NIBAN2: variants seen among roughly 807,000 people sequenced by gnomAD.
NIBAN2 encodes protein Niban 2.
In NIBAN2, 36 loss-of-function variants were observed where a neutral mutation model predicts 81.8. The ratio of observed to expected loss-of-function variants is 0.44; its 90% CI spans 0.34 to 0.58. The LOEUF is 0.58. Ranked by LOEUF, NIBAN2 falls within the 20% of genes least tolerant of loss-of-function variation. The probability of loss-of-function intolerance (pLI) is 0.02; values close to 1 mark genes in which losing one functional copy is unlikely to be tolerated. For missense variants in NIBAN2, 897 were observed against 1,014.1 expected (o/e 0.88, Z 1.57); for synonymous variants, 445 against 441.6 (o/e 1.01, Z -0.10).
At chr9:127,575,231 T>C (rs1234987105) in intron 1 of NIBAN2, among the ~76,000 whole-genome samples, 2 of 6,652 alleles carry the variant, frequency 3.0e-4, no homozygotes, top group Non-Finnish European at 4.8e-4. Context: ...ATATGGATTC[T>C]TTTTTTTTTT....
intron 1 of NIBAN2, among the ~76,000 whole-genome samples, chr9:127,558,875 G>C (rs527948871): frequency 1.3e-5 from 2 of 152,238 alleles, no homozygotes; most frequent in South Asian, 4.1e-4. Flanking sequence ...TGAGCACCCT[G>C]CACAGGCCAG....
intron 5 of NIBAN2, among the ~76,000 whole-genome samples, chr9:127,523,228 T>A (rs1169922059): frequency 0.01 from 224 of 22,276 alleles, 49 homozygotes; most frequent in African/African-American, 0.035. Flanking sequence ...TATATATATA[T>A]ATATATATAT....
chr9:127,514,423 A>G (rs1425282052), intron 8 of NIBAN2, among the ~76,000 whole-genome samples: 1 of 152,166 alleles, frequency 6.6e-6, no homozygotes, highest in Non-Finnish European at 1.5e-5. Context: ...AAATATGCAC[A>G]CCTACTATGT....
chr9:127,512,766 C>T (rs1836760507), intron 8 of NIBAN2, among the ~76,000 whole-genome samples: 2 of 152,168 alleles, frequency 1.3e-5, no homozygotes, highest in Non-Finnish European at 2.9e-5. Context: ...TTTCAGGGTT[C>T]ACAGTGGGAA....
chr9:127,509,234 GGC>G, intron 9 of NIBAN2, 103 bp from the exon 10 acceptor site: 1 of 1,186,296 alleles, frequency 8.4e-7, no homozygotes, highest in Non-Finnish European at 1.2e-6. Context: ...CCCTGGGGCT[GGC>G]GCCTGCTACC....
At position 127,523,187 on chromosome 9, in the gene NIBAN2, AAAAAAATATATATATATATATATATATAT is replaced by A. The variant is rs1564301268; in HGVS notation, c.589+463_589+491del. Reference sequence around the variant, plus strand: ...GTGGTTTTAAAAAAAAAAAAAAAAAAAAAAAATATATATATATATATATATATATATATATATATATATATATATATATA... The same window carrying A: ...GTGGTTTTAAAAAAAAAAAAAAAAAAATATATATATATATATATATATATA... On this transcript the variant is annotated intron_variant, in intron 5 of 13. Coordinates refer to ENST00000373312, the MANE Select transcript of NIBAN2 (RefSeq NM_022833.4). 1.0e-4 allele frequency among the ~76,000 whole-genome samples: 3 copies of A among 29,270 alleles called. 1 individual carries two copies. Among genetic ancestry groups the A allele is most frequent in the African/African-American group, 1.6e-4 (1 of 6,370 alleles). 19.2% of individuals were successfully genotyped at this position (29,270 alleles called of 152,430 possible). A position where few individuals can be genotyped will look rare whatever the true frequency, so the allele number is the denominator to read the frequency against.
intron 1 of NIBAN2, among the ~76,000 whole-genome samples, chr9:127,543,151 C>T (rs1331180650): frequency 1.3e-5 from 2 of 152,210 alleles, no homozygotes; most frequent in East Asian, 1.9e-4. Flanking sequence ...ACTTCCAGTG[C>T]GAGATCATTC....
chr9:127,556,518 C>A (rs960836959), intron 1 of NIBAN2, among the ~76,000 whole-genome samples: 1 of 152,168 alleles, frequency 6.6e-6, no homozygotes, highest in African/African-American at 2.4e-5. Context: ...AAACAATTTG[C>A]ACTAATAAAT....
chr9:127,548,922 T>C (rs1837522497), intron 1 of NIBAN2, among the ~76,000 whole-genome samples: 1 of 152,190 alleles, frequency 6.6e-6, no homozygotes, highest in Admixed American at 6.5e-5. Flanking sequence ...AAGGGCTTTC[T>C]AACGGCCTCA....
At chr9:127,557,535 G>T (rs1837694824) in intron 1 of NIBAN2, among the ~76,000 whole-genome samples, 2 of 152,194 alleles carry the variant, frequency 1.3e-5, no homozygotes, top group African/African-American at 4.8e-5. Flanking sequence ...CTCCACCCGG[G>T]GGCCTCCAGG....
In NIBAN2 at chr9:127,508,335, G is replaced by T; in HGVS notation, c.1434+87C>A. The T allele has an allele frequency of 7.3e-7, 1 of 1,370,526 alleles. No individual in the cohort carries two copies. The highest frequency in any genetic ancestry group is 1.0e-6 in the Non-Finnish European group (1 of 970,084). The allele number at this position is 1,370,526 out of a possible 1,614,324, so 84.9% of individuals were successfully genotyped here. A position where few individuals can be genotyped will look rare whatever the true frequency, so the allele number is the denominator to read the frequency against. ...AGAGGACCATGGCGCCTCCTTGCAG[G>T]GACAGCAATCCTGGTGGTGGCCGGG... On this transcript the variant is annotated intron_variant, in intron 11 of 13. Coordinates refer to ENST00000373312, the MANE Select transcript of NIBAN2 (RefSeq NM_022833.4). This position sits in a 1 kb window ranked among gnomAD's most constrained non-coding sequence, Gnocchi z 6.4.
At chr9:127,578,965 G>A (rs757516384) in exon 1 of NIBAN2, 2 of 1,607,008 alleles carry the variant, frequency 1.2e-6, no homozygotes, top group Non-Finnish European at 1.7e-6. Context: ...CCAAAAGGAA[G>A]GGACCGGAAC....
At chr9:127,528,076 G>T (rs1265915590) in intron 2 of NIBAN2, among the ~76,000 whole-genome samples, 1 of 152,224 alleles carries the variant, frequency 6.6e-6, no homozygotes, top group Non-Finnish European at 1.5e-5. Flanking sequence ...TCTGTAAAAT[G>T]GGAACAGTAA....
At position 127,508,269 on chromosome 9, in the gene NIBAN2, G is replaced by T; in HGVS notation, c.1435-69C>A. The T allele has an allele frequency of 7.0e-7, 1 of 1,420,200 alleles. No individual in the cohort carries two copies. Among genetic ancestry groups the T allele is most frequent in the Non-Finnish European group, 9.9e-7 (1 of 1,013,800 alleles). 88.0% of individuals were successfully genotyped at this position (1,420,200 alleles called of 1,614,324 possible). ...CCATTGGCCCTGAGGGTAGGACGAG[G>T]CCAGTGGTCTGACCCAAGCCTCCGA... On this transcript the variant is annotated intron_variant, in intron 11 of 13. Transcript: ENST00000373312. The surrounding 1 kb of genome is among the most constrained non-coding windows in gnomAD (Gnocchi z 6.4).
At chr9:127,516,799 AAAAG>A (rs1836837082) in intron 8 of NIBAN2, 54 bp downstream of exon 8, 7 of 1,515,756 alleles carry the variant, frequency 4.6e-6, no homozygotes, top group Middle Eastern at 3.5e-4. Flanking sequence ...TCATGAAATA[AAAAG>A]AAAGTCCACC....
chr9:127,568,805 C>A lies in NIBAN2; in HGVS notation c.55+15G>T, dbSNP rs541957647. 8.8e-5 allele frequency: 115 copies of A among 1,307,792 alleles called. No individual in the cohort carries two copies. In the East Asian group the frequency reaches 3.0e-3, roughly 34 times the overall value. The allele number at this position is 1,307,792 out of a possible 1,614,324, so 81.0% of individuals were successfully genotyped here. Reference sequence around the variant, plus strand: ...GGCAGGCCCCTGGGCGCGCGTGGCGCGGCGCGACCCTCACCTGCGATGTGC... The same window carrying A: ...GGCAGGCCCCTGGGCGCGCGTGGCGAGGCGCGACCCTCACCTGCGATGTGC... On this transcript the variant is annotated intron_variant, in intron 1 of 13. Coordinates refer to ENST00000373312, the MANE Select transcript of NIBAN2 (RefSeq NM_022833.4).
intron 5 of NIBAN2, among the ~76,000 whole-genome samples, chr9:127,518,818 G>A (rs1836881164): frequency 3.3e-5 from 5 of 152,192 alleles, no homozygotes; most frequent in African/African-American, 2.4e-5. Flanking sequence ...CACTGGGCCC[G>A]GGGTCTGTCC....
At chr9:127,531,878 G>T in intron 1 of NIBAN2, 100 bp from the exon 2 acceptor site, 1 of 1,501,560 alleles carries the variant, frequency 6.7e-7, no homozygotes, top group Non-Finnish European at 9.1e-7. Context: ...CCAAATTCCT[G>T]CATGTGGAAT....
Position 127,517,620 on chromosome 9 carries a change from T to C in NIBAN2, c.705+206A>G, listed in dbSNP as rs891965065. Among the ~76,000 whole-genome samples the C allele has an allele frequency of 3.9e-5, 6 of 152,238 alleles. No homozygotes were observed. The highest frequency in any genetic ancestry group is 1.2e-4 in the African/African-American group (5 of 41,522). On this transcript the variant is annotated intron_variant, in intron 6 of 13. Coordinates refer to ENST00000373312, the MANE Select transcript of NIBAN2 (RefSeq NM_022833.4). This position sits in a 1 kb window ranked among gnomAD's most constrained non-coding sequence, Gnocchi z 4.0. ...CTGCACCCCAGTGCCTCGTCCAGGGTAGGTGCTCAGATGCCCAGTAAGTGA... is the reference window on the plus strand; with the variant it reads ...CTGCACCCCAGTGCCTCGTCCAGGGCAGGTGCTCAGATGCCCAGTAAGTGA...
Sources: allele counts gnomAD v4.1 joint callset (sites outside exome capture counted in the v4.1 genomes callset), GRCh38; gene constraint gnomAD v4.1.1; non-coding constraint Gnocchi (gnomAD v3.1); transcripts MANE v1.5; gene names NCBI Gene and HGNC (gene_info 2026-07-23, HGNC 2026-07-21).